NPY5R: variants seen among roughly 807,000 people sequenced by gnomAD.
NPY5R encodes the protein neuropeptide Y receptor Y5.
NPY5R carries 21 observed loss-of-function variants against 24.8 expected under a neutral mutation model. The ratio of observed to expected loss-of-function variants is 0.85; its 90% CI spans 0.60 to 1.22. NPY5R has a LOEUF of 1.22. Ranked by LOEUF, NPY5R falls within the 50% of genes most tolerant of loss-of-function variation. The pLI is 0.00. For missense variants in NPY5R, 481 were observed against 521.3 expected, an observed-to-expected ratio of 0.92 and a Z score of 0.75; for synonymous variants, 175 against 183.0, an observed-to-expected ratio of 0.96 and a Z score of 0.35.
Position 163,351,090 on chromosome 4 carries a change from G to T in NPY5R, c.817G>T (p.Gly273Cys), listed in dbSNP as rs749361936. Residue 273 changes from glycine (G) to cysteine (C), a missense_variant, in exon 4 of 4, where the codon GGC (glycine) becomes TGC (cysteine). Gly to Cys is a radical substitution (Grantham distance 159). Coordinates refer to ENST00000338566, the MANE Select transcript of NPY5R (RefSeq NM_006174.4). ...KKSGPQVKLS[G>C]SHKWSYSFIK... Reference sequence around the variant, plus strand: ...GAGTGGGCCTCAGGTGAAACTCTCTGGCAGCCATAAATGGAGTTATTCATT... The same window carrying T: ...GAGTGGGCCTCAGGTGAAACTCTCTTGCAGCCATAAATGGAGTTATTCATT... 6.2e-7 allele frequency: 1 copy of T among 1,614,140 alleles called. No homozygotes were observed. The highest frequency in any genetic ancestry group is 1.1e-5 in the South Asian group (1 of 91,082).
chr4:163,350,939 G>A lies in NPY5R; in HGVS notation c.666G>A (p.Leu222=). ...TISLLLVQYI[L]PLVCLTVSHT... is the part of the protein sequence containing the mutation. ...CTTTATTGCTAGTTCAGTATATTCT[G>A]CCCTTAGTTTGTCTTACTGTAAGTC... is the stretch of plus-strand genomic sequence containing the variant. The change falls in exon 4 of 4, where the codon CTG becomes CTA. Residue 222 remains leucine, a synonymous_variant. Transcript: ENST00000338566. 1 of 1,613,880 alleles carries A rather than the reference G, an allele frequency of 6.2e-7. No individual in the cohort carries two copies. The highest frequency in any genetic ancestry group is 8.5e-7 in the Non-Finnish European group (1 of 1,179,978).
rs138859251 is a variant in NPY5R, at chr4:163,345,062, T to C, written c.-120-652T>C. The C allele has an allele frequency of 3.3e-5, 5 of 152,332 alleles. No homozygotes were observed. The East Asian group carries it at 9.6e-4, about 29-fold the overall frequency. 9.4% of individuals were successfully genotyped at this position (152,332 alleles called of 1,614,324 possible). A position where few individuals can be genotyped will look rare whatever the true frequency, so the allele number is the denominator to read the frequency against. The stretch of plus-strand genomic sequence containing the variant: ...ACAGACAATAGTTGATATTGTATCA[T>C]TGCAGGAGGAAAAAGAATTACATAT... On this transcript the variant is annotated intron_variant, in intron 1 of 3. Transcript: ENST00000338566.
At position 163,343,988 on chromosome 4, in the gene NPY5R, G is replaced by C. The variant is rs1345336084; in HGVS notation, c.-133G>C. 1 of 152,450 alleles carries C rather than the reference G, an allele frequency of 6.6e-6. No individual in the cohort carries two copies. The highest frequency in any genetic ancestry group is 1.5e-5 in the Non-Finnish European group (1 of 68,296). 9.4% of individuals were successfully genotyped at this position (152,450 alleles called of 1,614,324 possible). Reference sequence around the variant, plus strand: ...CGGGAGCCCAGGGCCTGCAGCGGCCGGGGCGCCCCGAGGTACGGGCTCCCG... The same window carrying C: ...CGGGAGCCCAGGGCCTGCAGCGGCCCGGGCGCCCCGAGGTACGGGCTCCCG... On this transcript the variant is annotated 5_prime_UTR_variant, in exon 1 of 4. Coordinates refer to ENST00000338566, the MANE Select transcript of NPY5R (RefSeq NM_006174.4).
chr4:163,352,216 A>G (rs1179125897), downstream of NPY5R, among the ~76,000 whole-genome samples: 1 of 152,210 alleles, frequency 6.6e-6, no homozygotes, highest in African/African-American at 2.4e-5. Flanking sequence ...CAAATTGTCA[A>G]TTTAACTCCA....
intron 3 of NPY5R, chr4:163,349,265 A>T (rs1735380653): frequency 1.3e-6 from 1 of 755,410 alleles, no homozygotes; most frequent in Non-Finnish European, 1.6e-6. Context: ...TGAACGTTTT[A>T]TTCTCTCATA....
Position 163,350,541 on chromosome 4 carries a change from G to A in NPY5R, c.268G>A (p.Val90Ile). 1 of 1,614,192 alleles carries A rather than the reference G, an allele frequency of 6.2e-7. No individual in the cohort carries two copies. The highest frequency in any genetic ancestry group is 8.5e-7 in the Non-Finnish European group (1 of 1,180,032). Residue 90 changes from valine (V) to isoleucine (I), a missense_variant, in exon 4 of 4, where the codon GTT becomes ATT. By Grantham distance (29) the Val-to-Ile change is conservative. Transcript: ENST00000338566. ...IGNLAFSDIL[V>I]VLFCSPFTLT... ...CAATCTGGCCTTTTCTGATATCTTG[G>A]TTGTGCTGTTTTGCTCACCTTTCAC...
rs1415844038 is a variant in NPY5R, at chr4:163,351,363, C to T, written c.1090C>T (p.Arg364Ter). 1.9e-6 allele frequency: 3 copies of T among 1,613,558 alleles called. No homozygotes were observed. Among genetic ancestry groups the T allele is most frequent in the Non-Finnish European group, 2.5e-6 (3 of 1,179,590 alleles). ...RSVTRIKKRS[R>*]SVFYRLTILI... ...TGTTACAAGAATAAAAAAGAGATCT[C>T]GAAGTGTTTTCTACAGACTGACCAT... Residue 364 changes from arginine to a stop codon, truncating the protein, a stop_gained, in exon 4 of 4, where the codon CGA (arginine) becomes TGA (stop). Transcript: ENST00000338566. LOFTEE classifies it high-confidence loss of function.
intron 3 of NPY5R, among the ~76,000 whole-genome samples, chr4:163,347,726 G>C (rs1735310221): frequency 6.6e-6 from 1 of 152,150 alleles, no homozygotes; most frequent in Admixed American, 6.5e-5. Flanking sequence ...GCCATTGACT[G>C]GGAATATGAT....
chr4:163,345,942 C>T, intron 2 of NPY5R, among the ~76,000 whole-genome samples, 189 bp downstream of exon 2: 1 of 149,978 alleles, frequency 6.7e-6, no homozygotes, highest in East Asian at 2.0e-4. Context: ...ACCCCCCCTC[C>T]CTGCCTCCAG....
intron 1 of NPY5R, chr4:163,344,485 C>G (rs1735128404): frequency 6.6e-6 from 1 of 152,212 alleles, no homozygotes; most frequent in East Asian, 1.9e-4. Context: ...GGTCAGGGCT[C>G]AACCCTAGCG....
intron 2 of NPY5R, among the ~76,000 whole-genome samples, chr4:163,346,000 T>C (rs1027981783): frequency 2.1e-5 from 3 of 145,038 alleles, no homozygotes; most frequent in East Asian, 2.2e-4. Flanking sequence ...TCTTCCTTCA[T>C]TGGAGCAAAG....
chr4:163,349,838 T>C (rs900450512), intron 3 of NPY5R, among the ~76,000 whole-genome samples: 1 of 152,150 alleles, frequency 6.6e-6, no homozygotes, highest in Admixed American at 6.5e-5. Context: ...CTTTCTGGGC[T>C]GGGCACGGTG....
At chr4:163,345,363 T>A (rs962625586) in intron 1 of NPY5R, 2 of 152,232 alleles carry the variant, frequency 1.3e-5, no homozygotes, top group African/African-American at 2.4e-5. Flanking sequence ...TATTATTTTT[T>A]ATAAGTTGCC....
chr4:163,346,779 G>T (rs568146769), intron 2 of NPY5R, among the ~76,000 whole-genome samples: 2 of 152,204 alleles, frequency 1.3e-5, no homozygotes, highest in East Asian at 3.9e-4. Context: ...CGTGGAAATG[G>T]ATATACTTCT....
In NPY5R at chr4:163,351,437, TGTG is replaced by T; in HGVS notation, c.1167_1169del (p.Val390del). 1 of 1,613,714 alleles carries T rather than the reference TGTG, an allele frequency of 6.2e-7. No homozygotes were observed. The highest frequency in any genetic ancestry group is 8.5e-7 in the Non-Finnish European group (1 of 1,179,740). ...GTTGGATGCCACTACACCTTTTCCA[TGTG>T]GTAACTGATTTTAATGACAATCTTA... On this transcript the variant is annotated inframe_deletion, in exon 4 of 4. Coordinates refer to ENST00000338566, the MANE Select transcript of NPY5R (RefSeq NM_006174.4).
At chr4:163,349,997 G>A (rs1001376224) in intron 3 of NPY5R, among the ~76,000 whole-genome samples, 1 of 151,392 alleles carries the variant, frequency 6.6e-6, no homozygotes, top group Non-Finnish European at 1.5e-5. Context: ...CCAGCTACTC[G>A]GGAGGCTGAG....
chr4:163,349,409 C>A, intron 3 of NPY5R: 2 of 476,186 alleles, frequency 4.2e-6, no homozygotes, highest in Non-Finnish European at 5.5e-6. Flanking sequence ...CATTATAATG[C>A]AATGAAAGCA....
At chr4:163,349,747 G>A (rs1217896644) in intron 3 of NPY5R, among the ~76,000 whole-genome samples, 1 of 152,144 alleles carries the variant, frequency 6.6e-6, no homozygotes, top group Non-Finnish European at 1.5e-5. Flanking sequence ...CATCTTAGAA[G>A]TAATGATAAA....
rs879358161 is a variant in NPY5R, at chr4:163,351,695, A to G, written c.*84A>G. On this transcript the variant is annotated 3_prime_UTR_variant, in exon 4 of 4. Transcript: ENST00000338566. ...TGATAACTATTTACATATAATAAAT[A>G]GAAATTTTGTTAACATGGAATTTAA... 3.2e-6 allele frequency: 3 copies of G among 948,334 alleles called. No homozygotes were observed. Among genetic ancestry groups the G allele is most frequent in the African/African-American group, 3.3e-5 (2 of 60,022 alleles). The allele number at this position is 948,334 out of a possible 1,614,324, so 58.7% of individuals were successfully genotyped here. A position where few individuals can be genotyped will look rare whatever the true frequency, so the allele number is the denominator to read the frequency against.
Sources: gnomAD v4.1 joint callset for allele counts (sites outside exome capture counted in the v4.1 genomes callset) on GRCh38, gnomAD v4.1.1 for gene constraint, MANE v1.5 for transcripts, NCBI Gene and HGNC (gene_info 2026-07-23, HGNC 2026-07-21) for gene names.